The following POLE variants were observed in gnomAD, a reference collection of about 807,000 sequenced individuals.
POLE encodes the protein DNA polymerase epsilon catalytic subunit A.
A neutral mutation model predicts 279.2 loss-of-function variants in POLE; 188 were observed. That is an observed-to-expected ratio of 0.67 (90% CI 0.60 to 0.76). POLE has a LOEUF of 0.76. Among genes scored for constraint, POLE ranks in the 30% least tolerant of loss-of-function variants. The probability of loss-of-function intolerance (pLI) is 0.00; values close to 1 mark genes in which losing one functional copy is unlikely to be tolerated. For missense variants in POLE, 2,703 were observed against 3,016.7 expected (o/e 0.90, Z 2.44); for synonymous variants, 1,214 against 1,172.5 (o/e 1.04, Z -0.72).
At chr12:132,647,124 C>A (rs954738795) in intron 32 of POLE, among the ~76,000 whole-genome samples, 1 of 152,090 alleles carries the variant, frequency 6.6e-6, no homozygotes, top group Non-Finnish European at 1.5e-5. Flanking sequence ...TGAGGGCCTA[C>A]CGTGTACCTT....
chr12:132,644,083 A>T (rs2042220872), intron 32 of POLE, 106 bp from the exon 33 acceptor site: 6 of 1,213,942 alleles, frequency 4.9e-6, no homozygotes, highest in Non-Finnish European at 7.0e-6. Flanking sequence ...TGGTGCCCCT[A>T]GCGACGGGGT....
rs5744793 is a variant in POLE, at chr12:132,669,258, A to G, written c.1795-319T>C. Reference sequence around the variant, plus strand: ...GGCCAGAGGATCACTTGAGCCCAGGAGTTCGAGACCAGCCTGAGCAACACA... The same window carrying G: ...GGCCAGAGGATCACTTGAGCCCAGGGGTTCGAGACCAGCCTGAGCAACACA... On this transcript the variant is annotated intron_variant, in intron 16 of 48. Coordinates refer to ENST00000320574, the MANE Select transcript of POLE (RefSeq NM_006231.4). 5.4e-3 allele frequency among the ~76,000 whole-genome samples: 824 copies of G among 152,260 alleles called. 8 individuals carry two copies. The highest frequency in any genetic ancestry group is 0.019 in the African/African-American group (769 of 41,562).
chr12:132,680,184 G>C lies in POLE; in HGVS notation c.324C>G (p.Thr108=), dbSNP rs777528761. 6.2e-7 allele frequency: 1 copy of C among 1,613,938 alleles called. No individual in the cohort carries two copies. The highest frequency in any genetic ancestry group is 8.5e-7 in the Non-Finnish European group (1 of 1,179,834). The part of the protein sequence containing the change: ...LPYKPYFYIA[T]RKGCEREVSS... ...GTCTATGAAACACACTCACCTTTCT[G>C]GTCGCAATGTAGAAATACGGTTTAT... Residue 108 remains threonine, a synonymous_variant, in exon 4 of 49, where the codon ACC becomes ACG. Transcript: ENST00000320574.
intron 13 of POLE, 113 bp downstream of exon 13, chr12:132,673,462 G>A (rs1482840538): frequency 2.8e-5 from 42 of 1,481,158 alleles, no homozygotes; most frequent in African/African-American, 6.9e-5. Flanking sequence ...GCATACATGC[G>A]TGCACACGGC....
chr12:132,649,131 G>A, intron 31 of POLE, 59 bp from the exon 32 acceptor site: 1 of 1,574,410 alleles, frequency 6.4e-7, no homozygotes, highest in Non-Finnish European at 8.6e-7. Context: ...CACAGACGGG[G>A]CCACCTTCCA....
rs376085508 is a variant in POLE at position 132,672,927 on chromosome 12, G to C, written c.1474-88C>G. 57 of 1,225,340 alleles carry C rather than the reference G, an allele frequency of 4.7e-5. No individual in the cohort carries two copies. In the East Asian group the frequency reaches 1.2e-3, roughly 27 times the overall value. The allele number at this position is 1,225,340 out of a possible 1,614,324, so 75.9% of individuals were successfully genotyped here. ...GTCCAGGAACCTAAGCTGAACTTCA[G>C]TGTGAAAGGAGAGAAAACCTCGTGG... On this transcript the variant is annotated intron_variant, in intron 14 of 48. Transcript: ENST00000320574.
chr12:132,667,576 C>T lies in POLE; in HGVS notation c.2246G>A (p.Arg749Gln), dbSNP rs1010159851. 17 of 1,613,700 alleles carry T rather than the reference C, an allele frequency of 1.1e-5. No individual in the cohort carries two copies. The highest frequency in any genetic ancestry group is 2.7e-5 in the African/African-American group (2 of 74,756). The change falls in exon 20 of 49, where the codon CGG (arginine) becomes CAG (glutamine). Residue 749 changes from arginine to glutamine, a missense_variant. Transcript: ENST00000320574. ...GGTGTCCACGTAGAAGGAGTTTTCC[C>T]GCTGGCAGATGGTGGTGAGACGCTC... The part of the protein sequence containing the change: ...VEERLTTICQ[R>Q]ENSFYVDTVR...
intron 41 of POLE, 70 bp downstream of exon 41, chr12:132,637,944 A>G (rs2042066406): frequency 3.8e-6 from 6 of 1,560,992 alleles, no homozygotes; most frequent in Non-Finnish European, 5.3e-6. Context: ...GAGAGCTGGC[A>G]CCTCAGGGGG....
chr12:132,625,322 T>C (rs767118299), intron 47 of POLE: 2 of 725,714 alleles, frequency 2.8e-6, no homozygotes, highest in Non-Finnish European at 5.1e-6. Context: ...CAGCCTCTGC[T>C]CAGATGCCCC....
chr12:132,676,188 T>C lies in POLE; in HGVS notation c.926A>G (p.Asn309Ser), dbSNP rs767060387. ...MIDGQGYLIT[N>S]REIVSEDIED... ...AATATCTTCTGAAACAATCTCCCTG[T>C]TGGTGATGAGGTAGCCCTAGCCAAG... is the stretch of plus-strand genomic sequence containing the variant. The change falls in exon 10 of 49, where the codon AAC becomes AGC. Residue 309 changes from asparagine to serine, a missense_variant. Transcript: ENST00000320574. 22 of 1,613,194 alleles carry C rather than the reference T, an allele frequency of 1.4e-5. No individual in the cohort carries two copies. The African/African-American group carries it at 2.4e-4, about 18-fold the overall frequency.
At chr12:132,634,000 T>C in intron 43 of POLE, 186 bp downstream of exon 43, 1 of 576,464 alleles carries the variant, frequency 1.7e-6, no homozygotes, top group Admixed American at 3.0e-5. Flanking sequence ...CTCCGGGCCC[T>C]CCAGTGGAAC....
In POLE at chr12:132,626,229, T is replaced by C. The variant is rs750313372; in HGVS notation, c.6419A>G (p.Glu2140Gly). Residue 2140 changes from glutamate to glycine, a missense_variant, in exon 46 of 49, where the codon GAG (glutamate) becomes GGG (glycine). Coordinates refer to ENST00000320574, the MANE Select transcript of POLE (RefSeq NM_006231.4). The part of the protein sequence containing the change: ...LRLVDVGEFS[E>G]EAQFRDPCRS... ...GCAGGGGTCTCGGAACTGGGCCTCCTCGGAGAACTCGCCGACATCCACCAG... is the reference window on the plus strand; with the variant it reads ...GCAGGGGTCTCGGAACTGGGCCTCCCCGGAGAACTCGCCGACATCCACCAG... 6.2e-7 allele frequency: 1 copy of C among 1,613,780 alleles called. No homozygotes were observed. The highest frequency in any genetic ancestry group is 1.7e-5 in the Admixed American group (1 of 60,016).
rs2042003013 is a variant in POLE at position 132,634,808 on chromosome 12, A to G, written c.5812-430T>C. Among the ~76,000 whole-genome samples the G allele has an allele frequency of 6.6e-6, 1 of 152,088 alleles. No individual in the cohort carries two copies. The highest frequency in any genetic ancestry group is 1.5e-5 in the Non-Finnish European group (1 of 68,012). ...GCCACGGCACCATCCACGTCTGTGT[A>G]GACACCGACACCCACTGCCACCTGC... On this transcript the variant is annotated intron_variant, in intron 42 of 48. Coordinates refer to ENST00000320574, the MANE Select transcript of POLE (RefSeq NM_006231.4). This position sits in a 1 kb window ranked among gnomAD's most constrained non-coding sequence, Gnocchi z 4.0.
At chr12:132,681,425 G>A in intron 1 of POLE, 146 bp from the exon 2 acceptor site, 1 of 757,244 alleles carries the variant, frequency 1.3e-6, no homozygotes, top group Non-Finnish European at 2.0e-6. Context: ...CTCACTGCAA[G>A]CTCCGCCTCC....
chr12:132,643,591 G>T (rs2138554494), intron 33 of POLE, 31 bp from the exon 34 acceptor site: 2 of 1,612,960 alleles, frequency 1.2e-6, no homozygotes, highest in Non-Finnish European at 1.7e-6. Flanking sequence ...GGCCGGCAAG[G>T]GCTGGATGGT....
In POLE at chr12:132,668,720, G is replaced by A. The variant is rs766967355; in HGVS notation, c.1941C>T (p.Asp647=). Residue 647 remains aspartate, a synonymous_variant, in exon 18 of 49, where the codon GAC becomes GAT. Coordinates refer to ENST00000320574, the MANE Select transcript of POLE (RefSeq NM_006231.4). The surrounding 1 kb of genome is among the most constrained non-coding windows in gnomAD (Gnocchi z 4.0). The part of the protein sequence containing the change: ...TNRLQPSAMV[D]EATCAACDFN... ...AGTCACAGGCAGCACAGGTGGCTTC[G>A]TCCACCATGGCAGAGGGCTGGGAGG... The A allele has an allele frequency of 9.9e-6, 16 of 1,613,932 alleles. No individual in the cohort carries two copies. The highest frequency in any genetic ancestry group is 4.0e-5 in the African/African-American group (3 of 74,934).
Position 132,635,910 on chromosome 12 carries a change from A to G in POLE, c.5793T>C (p.Ser1931=), listed in dbSNP as rs2138484921. 2 of 1,613,638 alleles carry G rather than the reference A, an allele frequency of 1.2e-6. No homozygotes were observed. Among genetic ancestry groups the G allele is most frequent in the Non-Finnish European group, 1.7e-6 (2 of 1,179,774 alleles). ...NYGGIKGKVS[S]RIHCGLQDSQ... The stretch of plus-strand genomic sequence containing the variant: ...CGCTTACCAGTCCACAGTGAATACG[A>G]GATGAAACTTTTCCTTTGATTCCGC... The change falls in exon 42 of 49, where the codon TCT becomes TCC. Residue 1931 remains serine, a synonymous_variant. Coordinates refer to ENST00000320574, the MANE Select transcript of POLE (RefSeq NM_006231.4).
At chr12:132,669,552 T>C (rs192415439) in intron 16 of POLE, among the ~76,000 whole-genome samples, 127 of 152,144 alleles carry the variant, frequency 8.3e-4, no homozygotes, top group African/African-American at 2.9e-3. Context: ...AAAAAAGTGA[T>C]TACAAGGAAT....
chr12:132,685,503 G>A (rs1048964292), intron 1 of POLE, among the ~76,000 whole-genome samples: 4 of 152,256 alleles, frequency 2.6e-5, no homozygotes, highest in Admixed American at 1.3e-4. Context: ...TCACCTCCCA[G>A]GACTGTTTTA....
Sources: gnomAD v4.1 joint callset for allele counts (sites outside exome capture counted in the v4.1 genomes callset) on GRCh38, gnomAD v4.1.1 for gene constraint, Gnocchi (gnomAD v3.1) non-coding constraint, MANE v1.5 for transcripts, NCBI Gene and HGNC (gene_info 2026-07-23, HGNC 2026-07-21) for gene names.